Variants in TTLL12 observed in about 807,000 individuals in gnomAD.
TTLL12 encodes tubulin--tyrosine ligase-like protein 12.
TTLL12 carries 77 observed loss-of-function variants against 79.6 expected under a neutral mutation model. The ratio of observed to expected loss-of-function variants is 0.97; its 90% CI spans 0.81 to 1.17. The LOEUF (loss-of-function observed/expected upper bound fraction) is 1.17. Among genes scored for constraint, TTLL12 ranks in the 50% most tolerant of loss-of-function variants. The pLI is 0.00. For synonymous variants in TTLL12, 437 were observed against 376.1 expected, an observed-to-expected ratio of 1.16 and a Z score of -1.87; for missense variants, 969 against 895.9, an observed-to-expected ratio of 1.08 and a Z score of -1.04.
In TTLL12 at chr22:43,174,563, T is replaced by C; in HGVS notation, c.970A>G (p.Thr324Ala). The C allele has an allele frequency of 6.2e-7, 1 of 1,613,270 alleles. No homozygotes were observed. Among genetic ancestry groups the C allele is most frequent in the Non-Finnish European group, 8.5e-7 (1 of 1,179,754 alleles). ...VASSLTHPRF[T>A]LTQSEADADI... is the part of the protein sequence containing the mutation. The stretch of plus-strand genomic sequence containing the variant: ...GCGTCCGCCTCACTCTGGGTGAGGG[T>C]GAAGCGCGGGTGGGTGAGGCTGCTG... Residue 324 changes from threonine to alanine, a missense_variant, in exon 7 of 14, where the codon ACC (threonine) becomes GCC (alanine). Transcript: ENST00000216129.
At chr22:43,170,274 G>A (rs1284347553) in intron 11 of TTLL12, 1 of 272,626 alleles carries the variant, frequency 3.7e-6, no homozygotes, top group Non-Finnish European at 7.2e-6. Context: ...GGGCCCTGCT[G>A]GGGGGTCTGG....
At position 43,176,382 on chromosome 22, in the gene TTLL12, T is replaced by C. The variant is rs764390468; in HGVS notation, c.855A>G (p.Glu285=). ...PAEHYQAILE[E]NKEKLPLDIN... is the part of the protein sequence containing the mutation. ...TGTCAAGTGGCAGCTTCTCCTTGTTTTCCTCCAGAATGGCCTAAAAGGAAA... is the reference window on the plus strand; with the variant it reads ...TGTCAAGTGGCAGCTTCTCCTTGTTCTCCTCCAGAATGGCCTAAAAGGAAA... The change falls in exon 6 of 14, where the codon GAA becomes GAG. Residue 285 remains glutamate, a synonymous_variant. Coordinates refer to ENST00000216129, the MANE Select transcript of TTLL12 (RefSeq NM_015140.4). The C allele has an allele frequency of 2.1e-5, 33 of 1,606,008 alleles. No individual in the cohort carries two copies. The highest frequency in any genetic ancestry group is 2.5e-5 in the Non-Finnish European group (29 of 1,177,250).
In TTLL12 at chr22:43,183,842, T is replaced by C. The variant is rs117577913; in HGVS notation, c.178-693A>G. Among the ~76,000 whole-genome samples the C allele has an allele frequency of 3.9e-5, 6 of 152,390 alleles. No individual in the cohort carries two copies. In the East Asian group the frequency reaches 1.2e-3, roughly 29 times the overall value. ...GCCACAAGCCGGCAAGGGGGGCTTC[T>C]GGGCAGATTCTGGAGCCAGGCTGTG... On this transcript the variant is annotated intron_variant, in intron 1 of 13. Coordinates refer to ENST00000216129, the MANE Select transcript of TTLL12 (RefSeq NM_015140.4).
In TTLL12 at chr22:43,179,826, A is replaced by G; in HGVS notation, c.706+15T>C. The G allele has an allele frequency of 6.4e-7, 1 of 1,565,040 alleles. No homozygotes were observed. The stretch of plus-strand genomic sequence containing the variant: ...CTGAGGCCCCTCCTCCAGGGCGGGC[A>G]GGTGCTGGACTTACCGCCAGTGTCC... On this transcript the variant is annotated intron_variant, in intron 4 of 13. Transcript: ENST00000216129.
intron 1 of TTLL12, among the ~76,000 whole-genome samples, chr22:43,185,440 G>GCAGC (rs1932160502): frequency 6.6e-6 from 1 of 151,854 alleles, no homozygotes; most frequent in Non-Finnish European, 1.5e-5. Flanking sequence ...ACCTGGGCCA[G>GCAGC]TAGCAGCAGG....
At chr22:43,182,900 G>A in intron 2 of TTLL12, 80 bp downstream of exon 2, 1 of 1,526,616 alleles carries the variant, frequency 6.6e-7, no homozygotes. Flanking sequence ...GCGGTGCAGG[G>A]CCCAGGAGAA....
At chr22:43,172,612 G>T in intron 9 of TTLL12, 58 bp from the exon 10 acceptor site, 1 of 1,603,766 alleles carries the variant, frequency 6.2e-7, no homozygotes, top group South Asian at 1.1e-5. Context: ...TGGGGCTCCC[G>T]AGCACACAAA....
intron 3 of TTLL12, 131 bp from the exon 4 acceptor site, chr22:43,180,131 A>T (rs1932018282): frequency 2.7e-6 from 3 of 1,128,190 alleles, no homozygotes; most frequent in Middle Eastern, 2.1e-4. Flanking sequence ...CATGTACCCC[A>T]GGCCCTTTAG....
intron 12 of TTLL12, 138 bp downstream of exon 12, chr22:43,169,362 C>G (rs141190392): frequency 1.3e-6 from 1 of 749,804 alleles, no homozygotes; most frequent in Non-Finnish European, 2.1e-6. Context: ...TTGCCAGCCT[C>G]TGGGGAGAAT....
chr22:43,183,029 T>C lies in TTLL12; in HGVS notation c.298A>G (p.Lys100Glu). 2 of 1,613,990 alleles carry C rather than the reference T, an allele frequency of 1.2e-6. No individual in the cohort carries two copies. The highest frequency in any genetic ancestry group is 8.5e-7 in the Non-Finnish European group (1 of 1,179,976). ...CCGCTCTCCCTGGTCACGATGACCT[T>C]GTAGCACAGCTCGTTCCCCGGGTTG... is the stretch of plus-strand genomic sequence containing the variant. ...QPNPGNELCY[K>E]VIVTRESGLQ... Residue 100 changes from lysine (K) to glutamate (E), a missense_variant, in exon 2 of 14, where the codon AAG becomes GAG. Lys to Glu is a moderately conservative substitution (Grantham distance 56). Coordinates refer to ENST00000216129, the MANE Select transcript of TTLL12 (RefSeq NM_015140.4).
chr22:43,183,187 G>A, intron 1 of TTLL12, 38 bp from the exon 2 acceptor site: 1 of 1,609,088 alleles, frequency 6.2e-7, no homozygotes, highest in South Asian at 1.1e-5. Flanking sequence ...GGTGTGGGCA[G>A]GAGACCCCAC....
In TTLL12 at chr22:43,167,999, A is replaced by G. The variant is rs746101548; in HGVS notation, c.*9T>C. ...TGCCCCAAGCACAGGTTTTGGGGAC[A>G]GCGAGTGCCTAGACAAGGCAGGTAA... On this transcript the variant is annotated 3_prime_UTR_variant, in exon 14 of 14. Coordinates refer to ENST00000216129, the MANE Select transcript of TTLL12 (RefSeq NM_015140.4). 5.0e-6 allele frequency: 8 copies of G among 1,612,342 alleles called. No homozygotes were observed. The African/African-American group carries it at 1.1e-4, about 22-fold the overall frequency.
In TTLL12 at chr22:43,186,772, G is replaced by A. The variant is rs1426693584; in HGVS notation, c.177+121C>T. 1.6e-5 allele frequency: 16 copies of A among 998,118 alleles called. No homozygotes were observed. The East Asian group carries it at 5.6e-4, about 35-fold the overall frequency. 61.8% of individuals were successfully genotyped at this position (998,118 alleles called of 1,614,324 possible). ...ACGCCGCTCCAGAGCTGCCCAGGAC[G>A]CGCTCTGGGTGGCTCACCGCGGCTC... On this transcript the variant is annotated intron_variant, in intron 1 of 13. Coordinates refer to ENST00000216129, the MANE Select transcript of TTLL12 (RefSeq NM_015140.4).
chr22:43,170,508 G>A (rs1187164125), intron 11 of TTLL12, among the ~76,000 whole-genome samples: 2 of 152,112 alleles, frequency 1.3e-5, no homozygotes, highest in African/African-American at 4.8e-5. Context: ...ATGACCAATC[G>A]CCGCCACAGT....
chr22:43,180,464 T>C (rs1420303044), intron 3 of TTLL12, among the ~76,000 whole-genome samples: 5 of 151,884 alleles, frequency 3.3e-5, no homozygotes, highest in Non-Finnish European at 7.4e-5. Context: ...TGAGGAATGG[T>C]TGAGGGCTTT....
chr22:43,172,701 C>A, intron 9 of TTLL12, 147 bp from the exon 10 acceptor site: 8 of 632,448 alleles, frequency 1.3e-5, no homozygotes, highest in South Asian at 2.1e-5. Context: ...GCTGCAAAGT[C>A]TTTTTTTTTT....
At chr22:43,170,291 G>C (rs1931731498) in intron 11 of TTLL12, 1 of 254,070 alleles carries the variant, frequency 3.9e-6, no homozygotes, top group African/African-American at 2.3e-5. Context: ...CTGGGTCCTA[G>C]GGAGTAGGCT....
At chr22:43,176,834 C>T (rs1385530557) in intron 5 of TTLL12, among the ~76,000 whole-genome samples, 5 of 152,128 alleles carry the variant, frequency 3.3e-5, no homozygotes, top group African/African-American at 9.7e-5. Context: ...GCTCCTCCCT[C>T]CCAACACCCC....
chr22:43,171,620 A>G, intron 11 of TTLL12, 199 bp downstream of exon 11: 1 of 549,652 alleles, frequency 1.8e-6, no homozygotes, highest in Non-Finnish European at 3.3e-6. Flanking sequence ...TGCCGTGGGG[A>G]GACCTACCTG....
Sources: gnomAD v4.1 joint callset for allele counts (sites outside exome capture counted in the v4.1 genomes callset) on GRCh38, gnomAD v4.1.1 for gene constraint, MANE v1.5 for transcripts, NCBI Gene and HGNC (gene_info 2026-07-23, HGNC 2026-07-21) for gene names.